Variants in KCNQ1 observed in about 807,000 individuals in gnomAD.
KCNQ1 encodes the protein potassium voltage-gated channel subfamily Q member 1.
Under a neutral mutation model 72.4 loss-of-function variants are expected in KCNQ1, and 49 were observed. The observed-to-expected ratio is 0.68, with a 90% CI of 0.54 to 0.86. The LOEUF (loss-of-function observed/expected upper bound fraction) is 0.86, where lower values mean the gene tolerates loss of function less well. Among genes scored for constraint, KCNQ1 ranks in the 40% least tolerant of loss-of-function variants. The probability of loss-of-function intolerance (pLI) is 0.00; values close to 1 mark genes in which losing one functional copy is unlikely to be tolerated. For missense variants in KCNQ1, 790 were observed against 945.1 expected (o/e 0.84, Z 2.15); for synonymous variants, 450 against 412.6 (o/e 1.09, Z -1.10).
intron 7 of KCNQ1, 124 bp from the exon 8 acceptor site, chr11:2,585,086 TGG>T: frequency 1.2e-6 from 1 of 834,748 alleles, no homozygotes; most frequent in Non-Finnish European, 2.1e-6. Context: ...AGGTGGGACT[TGG>T]GGGGGCTTCC....
intron 10 of KCNQ1, chr11:2,656,199 A>T: frequency 2.5e-6 from 1 of 398,590 alleles, no homozygotes; most frequent in Non-Finnish European, 4.4e-6. Context: ...CTTTAAAAAA[A>T]ATTGAATCCT....
rs761779455 is a variant in KCNQ1 at position 2,724,138 on chromosome 11, C to T, written c.1515-44706C>T. Among the ~76,000 whole-genome samples the T allele has an allele frequency of 3.9e-5, 6 of 152,142 alleles. No homozygotes were observed. Among genetic ancestry groups the T allele is most frequent in the Non-Finnish European group, 7.4e-5 (5 of 68,026 alleles). On this transcript the variant is annotated intron_variant, in intron 11 of 15. Coordinates refer to ENST00000155840, the MANE Select transcript of KCNQ1 (RefSeq NM_000218.3). This position sits in a 1 kb window ranked among gnomAD's most constrained non-coding sequence, Gnocchi z 6.8. ...CTGGACCAGGACGTTCTGGTAAGAT[C>T]GCCAGGGGGCCGCGACAAGGAGACC...
intron 6 of KCNQ1, among the ~76,000 whole-genome samples, chr11:2,582,847 G>A (rs916851058): frequency 8.5e-5 from 13 of 152,188 alleles, no homozygotes; most frequent in Admixed American, 5.9e-4. Flanking sequence ...AGATGCCAGC[G>A]CGGGGGAAAG....
chr11:2,537,591 C>T lies in KCNQ1; in HGVS notation c.477+9573C>T, dbSNP rs759840551. 1.3e-5 allele frequency among the ~76,000 whole-genome samples: 2 copies of T among 152,054 alleles called. No individual in the cohort carries two copies. The highest frequency in any genetic ancestry group is 2.1e-4 in the South Asian group (1 of 4,834). ...TGATTTAATCTCAGGCTTGTCAGAA[C>T]GAGCAGCTCCCAGGCACCCTCTGCC... On this transcript the variant is annotated intron_variant, in intron 2 of 15. Coordinates refer to ENST00000155840, the MANE Select transcript of KCNQ1 (RefSeq NM_000218.3). This position sits in a 1 kb window ranked among gnomAD's most constrained non-coding sequence, Gnocchi z 5.2.
rs1018410356 is a variant in KCNQ1, at chr11:2,565,488, T to C, written c.478-5140T>C. On this transcript the variant is annotated intron_variant, in intron 2 of 15. Transcript: ENST00000155840. This position sits in a 1 kb window ranked among gnomAD's most constrained non-coding sequence, Gnocchi z 5.6. The stretch of plus-strand genomic sequence containing the variant: ...ATTGAGTTGTTAGGAACTTTGGTTT[T>C]TTAAATAATTTTAAAGCACACAAAT... Among the ~76,000 whole-genome samples, 5 of 152,218 alleles carry C rather than the reference T, an allele frequency of 3.3e-5. No individual in the cohort carries two copies. The highest frequency in any genetic ancestry group is 1.2e-4 in the African/African-American group (5 of 41,460).
chr11:2,699,215 G>A (rs1850729261), intron 11 of KCNQ1: 3 of 398,726 alleles, frequency 7.5e-6, no homozygotes, highest in Middle Eastern at 6.3e-4. Context: ...CCAGGAACTC[G>A]GACCTCGACC....
chr11:2,612,620 C>T lies in KCNQ1; in HGVS notation c.1393+23766C>T. On this transcript the variant is annotated intron_variant, in intron 10 of 15. Transcript: ENST00000155840. This position sits in a 1 kb window ranked among gnomAD's most constrained non-coding sequence, Gnocchi z 5.5. ...ATTTCTATCTCTATATTGATATTAT[C>T]TATTTGATGAGTCTTTGTCATCACA... 1 of 398,526 alleles carries T rather than the reference C, an allele frequency of 2.5e-6. No individual in the cohort carries two copies. The highest frequency in any genetic ancestry group is 4.4e-6 in the Non-Finnish European group (1 of 226,048). The allele number at this position is 398,526 out of a possible 1,614,324, so 24.7% of individuals were successfully genotyped here. A position where few individuals can be genotyped will look rare whatever the true frequency, so the allele number is the denominator to read the frequency against.
chr11:2,727,434 G>C (rs1845783567), intron 11 of KCNQ1, among the ~76,000 whole-genome samples: 1 of 152,204 alleles, frequency 6.6e-6, no homozygotes, highest in Non-Finnish European at 1.5e-5. Context: ...ACCAGGCCTT[G>C]TGCAGGAACA....
At chr11:2,628,987 C>A (rs1206515873) in intron 10 of KCNQ1, 1 of 398,096 alleles carries the variant, frequency 2.5e-6, no homozygotes, top group East Asian at 3.6e-5. Flanking sequence ...TATACCAGTA[C>A]CATAACTTTG....
At chr11:2,521,941 C>T (rs1000411712) in intron 1 of KCNQ1, among the ~76,000 whole-genome samples, 66 of 152,360 alleles carry the variant, frequency 4.3e-4, no homozygotes, top group Non-Finnish European at 4.4e-4. Flanking sequence ...CCATCTGAGC[C>T]GTGGAGCCCA....
rs529809378 is a variant in KCNQ1 at position 2,574,187 on chromosome 11, G to A, written c.921+1201G>A. 5.9e-5 allele frequency among the ~76,000 whole-genome samples: 9 copies of A among 152,316 alleles called. No individual in the cohort carries two copies. In the East Asian group the frequency reaches 7.7e-4, roughly 13 times the overall value. On this transcript the variant is annotated intron_variant, in intron 6 of 15. Coordinates refer to ENST00000155840, the MANE Select transcript of KCNQ1 (RefSeq NM_000218.3). ...CCACAGCTGCAGGGCCAGGTGGGCCGTCCACAGGCCACTAAGGCCCAGGGT... is the reference window on the plus strand; with the variant it reads ...CCACAGCTGCAGGGCCAGGTGGGCCATCCACAGGCCACTAAGGCCCAGGGT...
chr11:2,520,270 C>T (rs1847358836), intron 1 of KCNQ1, among the ~76,000 whole-genome samples: 1 of 152,238 alleles, frequency 6.6e-6, no homozygotes, highest in Admixed American at 6.5e-5. Flanking sequence ...CTTCTGTCTC[C>T]TCACCAGGAC....
At chr11:2,662,444 C>A (rs1274376335) in intron 11 of KCNQ1, 3 of 496,364 alleles carry the variant, frequency 6.0e-6, no homozygotes, top group South Asian at 4.1e-5. Flanking sequence ...GGAACCCTGG[C>A]CAAAGCCATG....
In KCNQ1 at chr11:2,768,972, G is replaced by A. The variant is rs913377035; in HGVS notation, c.1590+53G>A. ...CTCAGCCTGCCCCTCGCAGCCTGAT[G>A]CAGCTGCCCACACCTCTCCTGGGTT... is the stretch of plus-strand genomic sequence containing the variant. On this transcript the variant is annotated intron_variant, in intron 12 of 15. Transcript: ENST00000155840. This position sits in a 1 kb window ranked among gnomAD's most constrained non-coding sequence, Gnocchi z 6.7. 5.6e-6 allele frequency: 8 copies of A among 1,421,810 alleles called. No individual in the cohort carries two copies. Among genetic ancestry groups the A allele is most frequent in the Admixed American group, 1.7e-5 (1 of 59,502 alleles). 88.1% of individuals were successfully genotyped at this position (1,421,810 alleles called of 1,614,324 possible). A position where few individuals can be genotyped will look rare whatever the true frequency, so the allele number is the denominator to read the frequency against.
intron 1 of KCNQ1, among the ~76,000 whole-genome samples, chr11:2,504,274 G>A (rs1847063240): frequency 6.6e-6 from 1 of 152,032 alleles, no homozygotes; most frequent in Admixed American, 6.6e-5. Flanking sequence ...GGGAGATAAA[G>A]ATTAAAACAA....
rs1454102607 is a variant in KCNQ1, at chr11:2,617,035, A to T, written c.1393+28181A>T. 2.5e-6 allele frequency: 1 copy of T among 398,068 alleles called. No homozygotes were observed. The highest frequency in any genetic ancestry group is 4.4e-6 in the Non-Finnish European group (1 of 225,836). 24.7% of individuals were successfully genotyped at this position (398,068 alleles called of 1,614,324 possible). On this transcript the variant is annotated intron_variant, in intron 10 of 15. Coordinates refer to ENST00000155840, the MANE Select transcript of KCNQ1 (RefSeq NM_000218.3). This position sits in a 1 kb window ranked among gnomAD's most constrained non-coding sequence, Gnocchi z 4.6. Reference sequence around the variant, plus strand: ...ATACAGTTAAATCGTTAACATAGTGATGCAAATTAATATGTCCATCATCTC... The same window carrying T: ...ATACAGTTAAATCGTTAACATAGTGTTGCAAATTAATATGTCCATCATCTC...
chr11:2,526,195 C>T lies in KCNQ1; in HGVS notation c.387-1733C>T, dbSNP rs1311152534. On this transcript the variant is annotated intron_variant, in intron 1 of 15. Transcript: ENST00000155840. This position sits in a 1 kb window ranked among gnomAD's most constrained non-coding sequence, Gnocchi z 6.1. ...CCATCGTGGTGTAAATACTGGGGCACGACATGGAGGGTTCACTGACTGGCT... is the reference window on the plus strand; with the variant it reads ...CCATCGTGGTGTAAATACTGGGGCATGACATGGAGGGTTCACTGACTGGCT... Among the ~76,000 whole-genome samples, 6 of 151,932 alleles carry T rather than the reference C, an allele frequency of 3.9e-5. No individual in the cohort carries two copies. Among genetic ancestry groups the T allele is most frequent in the South Asian group, 2.1e-4 (1 of 4,798 alleles).
rs1846550804 is a variant in KCNQ1, at chr11:2,475,066, A to G, written c.386+29582A>G. 6.6e-6 allele frequency among the ~76,000 whole-genome samples: 1 copy of G among 152,224 alleles called. No individual in the cohort carries two copies. ...GTTTCATGGTCTTCGGTTTACTCGC[A>G]GTGCTAGGCGTCCGACACGTCTTTC... On this transcript the variant is annotated intron_variant, in intron 1 of 15. Transcript: ENST00000155840. This position sits in a 1 kb window ranked among gnomAD's most constrained non-coding sequence, Gnocchi z 5.8.
chr11:2,521,793 A>G (rs1847386498), intron 1 of KCNQ1, among the ~76,000 whole-genome samples: 1 of 152,274 alleles, frequency 6.6e-6, no homozygotes, highest in African/African-American at 2.4e-5. Context: ...GTCCCGGCAC[A>G]GCCCCCACCC....
Sources: allele counts gnomAD v4.1 joint callset (sites outside exome capture counted in the v4.1 genomes callset), GRCh38; gene constraint gnomAD v4.1.1; non-coding constraint Gnocchi (gnomAD v3.1); transcripts MANE v1.5; gene names NCBI Gene and HGNC (gene_info 2026-07-23, HGNC 2026-07-21).